Variants in ADGRB3 observed in about 807,000 individuals in gnomAD.
ADGRB3 encodes the protein adhesion G protein-coupled receptor B3.
Under a neutral mutation model 193.4 loss-of-function variants are expected in ADGRB3, and 37 were observed. The ratio of observed to expected loss-of-function variants is 0.19; its 90% CI spans 0.15 to 0.25. The LOEUF is 0.25. ADGRB3 is among the 10% of genes least tolerant of loss of function. The probability of loss-of-function intolerance (pLI) is 1.00; values close to 1 mark genes in which losing one functional copy is unlikely to be tolerated. For synonymous variants in ADGRB3, 690 were observed against 644.2 expected, an observed-to-expected ratio of 1.07 and a Z score of -1.08; for missense variants, 1,637 against 1,852.9, an observed-to-expected ratio of 0.88 and a Z score of 2.14.
intron 6 of ADGRB3, among the ~76,000 whole-genome samples, chr6:68,949,776 T>G (rs1247599637): frequency 6.6e-6 from 1 of 152,226 alleles, no homozygotes; most frequent in Non-Finnish European, 1.5e-5. Context: ...TGGGCATTAT[T>G]CCAGTGCTTT....
intron 20 of ADGRB3, among the ~76,000 whole-genome samples, chr6:69,320,842 T>TGG (rs1300426294): frequency 7.3e-5 from 11 of 151,578 alleles, no homozygotes; most frequent in African/African-American, 2.7e-4. Context: ...TGTGTGTGTG[T>TGG]GTGTGTGTGT....
chr6:68,953,261 C>G (rs919581131), intron 6 of ADGRB3, among the ~76,000 whole-genome samples: 4 of 152,118 alleles, frequency 2.6e-5, no homozygotes, highest in Non-Finnish European at 4.4e-5. Flanking sequence ...AAGCAGAATA[C>G]TTAAGGACAT....
intron 3 of ADGRB3, among the ~76,000 whole-genome samples, chr6:68,807,242 T>C (rs866603831): frequency 5.9e-5 from 8 of 135,690 alleles, no homozygotes; most frequent in Admixed American, 7.3e-5. Context: ...TTTCTTTTTT[T>C]TTTTTTTTTT....
chr6:69,046,502 A>T (rs1771242402), intron 13 of ADGRB3, among the ~76,000 whole-genome samples: 1 of 152,170 alleles, frequency 6.6e-6, no homozygotes, highest in Non-Finnish European at 1.5e-5. Context: ...ATTTAAAGAA[A>T]CTATGTTAGA....
At chr6:68,695,901 C>A (rs1765149448) in intron 3 of ADGRB3, among the ~76,000 whole-genome samples, 1 of 151,948 alleles carries the variant, frequency 6.6e-6, no homozygotes, top group Non-Finnish European at 1.5e-5. Flanking sequence ...TGTTGTGAGG[C>A]AAAGGAGCTG....
At chr6:68,847,566 A>G (rs942898051) in intron 3 of ADGRB3, among the ~76,000 whole-genome samples, 1 of 152,148 alleles carries the variant, frequency 6.6e-6, no homozygotes, top group Admixed American at 6.5e-5. Flanking sequence ...AGGGGTTTCC[A>G]CTTTTGCTTC....
chr6:69,239,298 A>C, intron 20 of ADGRB3, 72 bp downstream of exon 20: 1 of 1,042,780 alleles, frequency 9.6e-7, no homozygotes, highest in Non-Finnish European at 1.4e-6. Context: ...TTGATAATCT[A>C]AACATTCATT....
At chr6:68,990,522 C>T (rs977443209) in intron 10 of ADGRB3, among the ~76,000 whole-genome samples, 1 of 152,246 alleles carries the variant, frequency 6.6e-6, no homozygotes, top group East Asian at 1.9e-4. Flanking sequence ...CATAAGCCTT[C>T]TAAGCAGCTG....
chr6:69,102,763 A>T (rs1773100963), intron 17 of ADGRB3, among the ~76,000 whole-genome samples: 1 of 152,234 alleles, frequency 6.6e-6, no homozygotes, highest in Admixed American at 6.5e-5. Flanking sequence ...TGGACTTGTA[A>T]TGAGTCCAGA....
chr6:68,997,403 G>A (rs940651490), intron 11 of ADGRB3, among the ~76,000 whole-genome samples: 1 of 150,598 alleles, frequency 6.6e-6, no homozygotes, highest in Non-Finnish European at 1.5e-5. Context: ...AGCACTTTGG[G>A]AGGTCAAGGC....
intron 20 of ADGRB3, among the ~76,000 whole-genome samples, chr6:69,260,734 T>C (rs1386063550): frequency 2.6e-5 from 4 of 152,192 alleles, no homozygotes. Flanking sequence ...TTAGGGAGAA[T>C]CCTAGAATTA....
intron 3 of ADGRB3, among the ~76,000 whole-genome samples, chr6:68,917,425 A>T (rs1458598850): frequency 6.6e-6 from 1 of 152,156 alleles, no homozygotes; most frequent in Admixed American, 6.5e-5. Context: ...AATATAGTTG[A>T]TTTATTTGTA....
chr6:69,058,703 G>C (rs191261833), intron 15 of ADGRB3, among the ~76,000 whole-genome samples: 1 of 151,788 alleles, frequency 6.6e-6, no homozygotes, highest in Non-Finnish European at 1.5e-5. Flanking sequence ...TCTTTGATCC[G>C]CTGGTTGTTC....
At chr6:69,230,492 A>T (rs946476344) in intron 17 of ADGRB3, among the ~76,000 whole-genome samples, 1 of 152,230 alleles carries the variant, frequency 6.6e-6, no homozygotes, top group African/African-American at 2.4e-5. Flanking sequence ...AATCAATCAG[A>T]CATGTGTACC....
At chr6:68,686,885 G>A (rs1341243593) in intron 3 of ADGRB3, among the ~76,000 whole-genome samples, 1 of 151,974 alleles carries the variant, frequency 6.6e-6, no homozygotes, top group Non-Finnish European at 1.5e-5. Flanking sequence ...ATAATATATT[G>A]TCTCATTAAA....
chr6:69,293,993 C>T (rs1357385231), intron 20 of ADGRB3, among the ~76,000 whole-genome samples: 1 of 152,060 alleles, frequency 6.6e-6, no homozygotes, highest in East Asian at 1.9e-4. Context: ...TGAGGGTCTG[C>T]CAAAAATGTT....
intron 20 of ADGRB3, among the ~76,000 whole-genome samples, chr6:69,240,046 C>T (rs1485933180): frequency 6.6e-6 from 1 of 151,900 alleles, no homozygotes; most frequent in East Asian, 1.9e-4. Context: ...TAAAAATTTT[C>T]CCATAAGCCA....
intron 13 of ADGRB3, among the ~76,000 whole-genome samples, chr6:69,043,292 GAAAGAA>G (rs933317765): frequency 5.8e-5 from 1 of 17,200 alleles, no homozygotes; most frequent in African/African-American, 1.7e-4. Context: ...AAGAAAGAGA[GAAAGAA>G]AGAAAGAAAG....
intron 6 of ADGRB3, among the ~76,000 whole-genome samples, chr6:68,949,275 G>T (rs374018363): frequency 1.3e-5 from 2 of 152,060 alleles, no homozygotes; most frequent in Admixed American, 1.3e-4. Flanking sequence ...AGTCTGTTGA[G>T]CTGAGCAGTG....
Sources: allele counts gnomAD v4.1 joint callset (sites outside exome capture counted in the v4.1 genomes callset), GRCh38; gene constraint gnomAD v4.1.1; transcripts MANE v1.5; gene names NCBI Gene and HGNC (gene_info 2026-07-23, HGNC 2026-07-21).